The following USP33 variants were observed in gnomAD, a reference collection of about 807,000 sequenced individuals.
USP33 encodes the protein ubiquitin specific peptidase 33.
USP33 carries 46 observed loss-of-function variants against 124.2 expected under a neutral mutation model. The observed-to-expected ratio is 0.37, with a 90% CI of 0.29 to 0.47. USP33 has a LOEUF of 0.47. Ranked by LOEUF, USP33 falls within the 20% of genes least tolerant of loss-of-function variation. The pLI is 0.99. For synonymous variants in USP33, 350 were observed against 352.3 expected (o/e 0.99, Z 0.07); for missense variants, 851 against 1,070.6 (o/e 0.79, Z 2.86).
chr1:77,711,887 C>A, intron 20 of USP33, 32 bp from the exon 21 acceptor site: 1 of 1,569,442 alleles, frequency 6.4e-7, no homozygotes, highest in Non-Finnish European at 8.6e-7. Flanking sequence ...AATTAATGTT[C>A]TAGGAAGTTT....
chr1:77,711,729 A>G lies in USP33; in HGVS notation c.2406+18T>C, dbSNP rs371708197. On this transcript the variant is annotated intron_variant, in intron 21 of 23. Transcript: ENST00000370794. ...TCATCTTTATCCTAGATCAATTTGAAAAGCATCACTTTTTTACCCGAATAA... is the reference window on the plus strand; with the variant it reads ...TCATCTTTATCCTAGATCAATTTGAGAAGCATCACTTTTTTACCCGAATAA... 3 of 1,597,596 alleles carry G rather than the reference A, an allele frequency of 1.9e-6. No individual in the cohort carries two copies. Among genetic ancestry groups the G allele is most frequent in the African/African-American group, 2.7e-5 (2 of 73,514 alleles).
Position 77,713,246 on chromosome 1 carries a change from G to T in USP33, c.2251C>A (p.Leu751Met). ...PPRKAGYIEDLVLMLPQNIWD... is the reference protein window; with the variant it reads ...PPRKAGYIEDMVLMLPQNIWD... ...ATGTTCTGAGGCAGCATCAAAACCA[G>T]GTCTTCAATATAACCAGCTTTTCTT... The change falls in exon 20 of 24, where the codon CTG (leucine) becomes ATG (methionine). Residue 751 changes from leucine to methionine, a missense_variant. Around this residue, in one of 4 missense-constraint regions of USP33, gnomAD observed 281 missense variants for 425.0 expected, o/e 0.66. Transcript: ENST00000370794. The T allele has an allele frequency of 6.3e-7, 1 of 1,576,066 alleles. No individual in the cohort carries two copies. Among genetic ancestry groups the T allele is most frequent in the Admixed American group, 2.1e-5 (1 of 48,508 alleles).
intron 1 of USP33, among the ~76,000 whole-genome samples, chr1:77,750,613 C>A (rs888949215): frequency 7.9e-5 from 10 of 127,224 alleles, no homozygotes; most frequent in Non-Finnish European, 9.6e-5. Context: ...CACAGCAAGA[C>A]CCTGACTTAA....
intron 9 of USP33, 137 bp downstream of exon 9, chr1:77,729,723 A>C (rs1163507650): frequency 2.7e-6 from 2 of 746,918 alleles, no homozygotes; most frequent in East Asian, 5.2e-5. Context: ...AATAAACATG[A>C]AAAAGGGTTA....
intron 12 of USP33, 91 bp from the exon 13 acceptor site, chr1:77,722,287 G>T: frequency 2.3e-5 from 26 of 1,120,550 alleles, no homozygotes; most frequent in Middle Eastern, 2.4e-4. Context: ...ATCAAAGCAT[G>T]TTTAAATAAG....
At chr1:77,743,047 A>G (rs917600886) in intron 1 of USP33, among the ~76,000 whole-genome samples, 2 of 151,976 alleles carry the variant, frequency 1.3e-5, no homozygotes, top group Non-Finnish European at 2.9e-5. Context: ...GGTTCAAGTG[A>G]TTCTCCTGCC....
At chr1:77,734,537 G>C in intron 6 of USP33, 121 bp from the exon 7 acceptor site, 1 of 618,678 alleles carries the variant, frequency 1.6e-6, no homozygotes, top group Non-Finnish European at 2.8e-6. Context: ...ATAGCAACTT[G>C]AACAATTCAG....
chr1:77,729,149 G>A (rs925251727), intron 9 of USP33, among the ~76,000 whole-genome samples: 15 of 152,034 alleles, frequency 9.9e-5, no homozygotes, highest in Admixed American at 6.6e-5. Flanking sequence ...TAAGCAATCC[G>A]CCTACCTCGG....
At chr1:77,714,507 G>A (rs1675646819) in intron 19 of USP33, 107 bp downstream of exon 19, 3 of 1,121,544 alleles carry the variant, frequency 2.7e-6, no homozygotes, top group South Asian at 1.6e-5. Flanking sequence ...TTGAATGCAG[G>A]TGGGGAAATG....
In USP33 at chr1:77,739,319, C is replaced by T; in HGVS notation, c.297G>A (p.Gln99=). 1.2e-6 allele frequency: 2 copies of T among 1,613,846 alleles called. No individual in the cohort carries two copies. The highest frequency in any genetic ancestry group is 8.5e-7 in the Non-Finnish European group (1 of 1,179,882). ...EVFLDRKLGT[Q]PSLPHVRQPH... is the part of the protein sequence containing the mutation. ...GTTGTCTTACATGAGGCAATGAAGGCTGAGTTCCTAATTTCCTATCCAAAA... is the reference window on the plus strand; with the variant it reads ...GTTGTCTTACATGAGGCAATGAAGGTTGAGTTCCTAATTTCCTATCCAAAA... Residue 99 remains glutamine (Q), a synonymous_variant, in exon 5 of 24, where the codon CAG becomes CAA. Transcript: ENST00000370794.
At chr1:77,716,009 C>T (rs747074484) in intron 17 of USP33, 141 bp from the exon 18 acceptor site, 14 of 848,932 alleles carry the variant, frequency 1.6e-5, no homozygotes, top group East Asian at 5.7e-5. Flanking sequence ...TCAGTTTGCA[C>T]GCTTGCCACC....
chr1:77,740,714 T>G (rs1361046016), intron 4 of USP33, among the ~76,000 whole-genome samples, 163 bp downstream of exon 4: 1 of 152,226 alleles, frequency 6.6e-6, no homozygotes, highest in Non-Finnish European at 1.5e-5. Context: ...ATGTTCATCC[T>G]CCTAGCAATT....
At position 77,701,362 on chromosome 1, in the gene USP33, C is replaced by T. The variant is rs773812289; in HGVS notation, c.2509+7G>A. 36 of 1,583,792 alleles carry T rather than the reference C, an allele frequency of 2.3e-5. No individual in the cohort carries two copies. In the Admixed American group the frequency reaches 6.8e-4, roughly 30 times the overall value. ...ACCAAAAAAAAATTTTTCAGTCAAC[C>T]ACTTACCTCCATCTTTACCCTTCAC... On this transcript the variant is annotated splice_region_variant and intron_variant, in intron 22 of 23. Transcript: ENST00000370794.
chr1:77,741,065 C>G, intron 3 of USP33, 126 bp from the exon 4 acceptor site: 2 of 674,900 alleles, frequency 3.0e-6, no homozygotes, highest in Non-Finnish European at 4.8e-6. Context: ...GAGTAAATGA[C>G]TTTCCAGTCA....
intron 21 of USP33, among the ~76,000 whole-genome samples, chr1:77,706,574 T>C (rs1157268734): frequency 6.6e-6 from 1 of 152,198 alleles, no homozygotes; most frequent in Non-Finnish European, 1.5e-5. Context: ...ATATCCTACA[T>C]TGGCTCTGAC....
Position 77,697,943 on chromosome 1 carries a change from A to G in USP33, c.2510-12T>C. ...AGGACCTGGAGGATCTAAAGGAAAA[A>G]ATATCAAAATGTATTTTTCAAAGAA... On this transcript the variant is annotated splice_polypyrimidine_tract_variant and intron_variant, in intron 22 of 23. Transcript: ENST00000370794. 6.3e-7 allele frequency: 1 copy of G among 1,584,118 alleles called. No homozygotes were observed. The highest frequency in any genetic ancestry group is 8.5e-7 in the Non-Finnish European group (1 of 1,170,114).
intron 11 of USP33, among the ~76,000 whole-genome samples, chr1:77,723,965 G>GTT (rs963989481): frequency 6.8e-6 from 1 of 146,174 alleles, no homozygotes; most frequent in Non-Finnish European, 1.5e-5. Flanking sequence ...CACCCAGCCT[G>GTT]TTTTTTTTTT....
intron 1 of USP33, among the ~76,000 whole-genome samples, chr1:77,751,307 A>G (rs1680309171): frequency 2.0e-5 from 3 of 152,218 alleles, no homozygotes; most frequent in Admixed American, 1.3e-4. Context: ...CTCACGCTCT[A>G]TGATGTACAG....
At chr1:77,741,810 C>G in intron 1 of USP33, 62 bp from the exon 2 acceptor site, 2 of 1,395,706 alleles carry the variant, frequency 1.4e-6, no homozygotes, top group Non-Finnish European at 1.9e-6. Flanking sequence ...GCAAAGATTC[C>G]AAAAAATAAA....
Sources: gnomAD v4.1 joint callset for allele counts (sites outside exome capture counted in the v4.1 genomes callset) on GRCh38, gnomAD v4.1.1 for gene constraint, gnomAD v4.1.1 regional missense constraint, MANE v1.5 for transcripts, NCBI Gene and HGNC (gene_info 2026-07-23, HGNC 2026-07-21) for gene names.